Variants in TRAPPC9 observed in about 807,000 individuals in gnomAD.
TRAPPC9 encodes trafficking protein particle complex subunit 9.
Under a neutral mutation model 124.0 loss-of-function variants are expected in TRAPPC9, and 83 were observed. The observed-to-expected ratio is 0.67, with a 90% CI of 0.56 to 0.80. TRAPPC9 has a LOEUF of 0.80. Ranked by LOEUF, TRAPPC9 falls within the 30% of genes least tolerant of loss-of-function variation. The pLI, the probability that TRAPPC9 is intolerant of heterozygous loss-of-function variation, is 0.00. For missense variants in TRAPPC9, 1,302 were observed against 1,508.3 expected (o/e 0.86, Z 2.27); for synonymous variants, 638 against 617.5 (o/e 1.03, Z -0.49).
rs11998179 is a variant in TRAPPC9, at chr8:140,449,951, C to A, written c.584+839G>T. On this transcript the variant is annotated intron_variant, in intron 2 of 22. Transcript: ENST00000438773. The stretch of plus-strand genomic sequence containing the variant: ...GTAAGTACATTTCAGTTTCTAGTTG[C>A]CACATTTTTAAAAGTAAGAATGAAA... Among the ~76,000 whole-genome samples the A allele has an allele frequency of 9.0e-3, 1,371 of 152,248 alleles. 20 individuals carry two copies. Among genetic ancestry groups the A allele is most frequent in the African/African-American group, 0.031 (1,288 of 41,542 alleles).
chr8:139,758,367 A>G (rs1411305053), intron 21 of TRAPPC9, among the ~76,000 whole-genome samples: 2 of 152,220 alleles, frequency 1.3e-5, no homozygotes, highest in Non-Finnish European at 2.9e-5. Context: ...TATCCTGTCT[A>G]TCTTGCAAAG....
rs536807914 is a variant in TRAPPC9 at position 140,374,431 on chromosome 8, G to C, written c.1135-3251C>G. On this transcript the variant is annotated intron_variant, in intron 7 of 22. Transcript: ENST00000438773. ...CTAAAAAATACAAAATTAGCCAGGC[G>C]TGGTGGTGCATACCTGTAATCCCAG... Among the ~76,000 whole-genome samples, 152 of 152,262 alleles carry C rather than the reference G, an allele frequency of 1.0e-3. 1 individual carries two copies. The highest frequency in any genetic ancestry group is 3.6e-3 in the African/African-American group (150 of 41,554).
At chr8:140,283,364 G>A (rs1393921975) in intron 14 of TRAPPC9, among the ~76,000 whole-genome samples, 1 of 127,900 alleles carries the variant, frequency 7.8e-6, no homozygotes, top group South Asian at 2.4e-4. Flanking sequence ...GCGCGATCTC[G>A]GCTCACTGCA....
At chr8:140,365,947 A>G (rs1246306520) in intron 8 of TRAPPC9, among the ~76,000 whole-genome samples, 2 of 152,076 alleles carry the variant, frequency 1.3e-5, no homozygotes, top group Non-Finnish European at 2.9e-5. Context: ...AAAAGGCCCC[A>G]GTGTATGTTA....
chr8:139,903,591 T>C (rs993911306), intron 20 of TRAPPC9, among the ~76,000 whole-genome samples: 1 of 152,226 alleles, frequency 6.6e-6, no homozygotes, highest in African/African-American at 2.4e-5. Context: ...AGACGGTCTG[T>C]GCAGGGCTGC....
chr8:140,039,856 C>G (rs1445507233), intron 17 of TRAPPC9: 2 of 152,238 alleles, frequency 1.3e-5, no homozygotes, highest in African/African-American at 4.8e-5. Context: ...CATGATCTCT[C>G]CATTGCCCTT....
intron 19 of TRAPPC9, among the ~76,000 whole-genome samples, chr8:139,941,847 C>A (rs1833941408): frequency 6.6e-6 from 1 of 152,208 alleles, no homozygotes; most frequent in Non-Finnish European, 1.5e-5. Flanking sequence ...CATGGGTTTG[C>A]CACACTGTTC....
chr8:140,370,220 A>C (rs2068242337), intron 8 of TRAPPC9, among the ~76,000 whole-genome samples: 1 of 151,772 alleles, frequency 6.6e-6, no homozygotes. Context: ...GCTCACTGCA[A>C]CCTCCACCTC....
intron 17 of TRAPPC9, among the ~76,000 whole-genome samples, chr8:140,035,046 A>G (rs1840789892): frequency 6.6e-6 from 1 of 152,260 alleles, no homozygotes; most frequent in African/African-American, 2.4e-5. Context: ...CCCCTTCTGT[A>G]TACACAGCTG....
At position 139,895,663 on chromosome 8, in the gene TRAPPC9, A is replaced by G. The variant is rs550352990; in HGVS notation, c.2965-9694T>C. Among the ~76,000 whole-genome samples the G allele has an allele frequency of 7.2e-5, 11 of 152,330 alleles. No individual in the cohort carries two copies. In the East Asian group the frequency reaches 2.1e-3, roughly 29 times the overall value. On this transcript the variant is annotated intron_variant, in intron 20 of 22. Coordinates refer to ENST00000438773, the MANE Select transcript of TRAPPC9 (RefSeq NM_001160372.4). The stretch of plus-strand genomic sequence containing the variant: ...CACTATGGGCCTGGGACGCTGGGAC[A>G]CAGCTGCACTTGAGTGTGGGCCTCA...
intron 19 of TRAPPC9, among the ~76,000 whole-genome samples, chr8:139,914,470 C>A (rs1831976332): frequency 3.3e-5 from 5 of 152,232 alleles, no homozygotes; most frequent in Admixed American, 3.3e-4. Context: ...GGCACCGGGG[C>A]AGCAGCGCAG....
Position 139,742,232 on chromosome 8 carries a change from C to A in TRAPPC9, c.3056-10030G>T, listed in dbSNP as rs545997149. On this transcript the variant is annotated intron_variant, in intron 21 of 22. Coordinates refer to ENST00000438773, the MANE Select transcript of TRAPPC9 (RefSeq NM_001160372.4). The surrounding 1 kb of genome is among the most constrained non-coding windows in gnomAD (Gnocchi z 4.7). Reference sequence around the variant, plus strand: ...GTGGAGGTGAAGTAGCATCTTGCTGCGGTTCTCACGTGCGTTCTCCCGATC... The same window carrying A: ...GTGGAGGTGAAGTAGCATCTTGCTGAGGTTCTCACGTGCGTTCTCCCGATC... Among the ~76,000 whole-genome samples the A allele has an allele frequency of 6.6e-6, 1 of 152,254 alleles. No individual in the cohort carries two copies. The highest frequency in any genetic ancestry group is 2.1e-4 in the South Asian group (1 of 4,826).
chr8:140,098,507 C>G (rs2060499876), intron 17 of TRAPPC9: 1 of 152,104 alleles, frequency 6.6e-6, no homozygotes, highest in South Asian at 2.1e-4. Flanking sequence ...GCAGGAACAC[C>G]CGGCTAGGTC....
chr8:140,180,170 T>A (rs1028771295), intron 17 of TRAPPC9, among the ~76,000 whole-genome samples: 5 of 151,820 alleles, frequency 3.3e-5, no homozygotes, highest in African/African-American at 1.2e-4. Context: ...ATTTTATAAT[T>A]GAATTTTTTA....
At chr8:140,203,454 C>G (rs956376750) in intron 17 of TRAPPC9, among the ~76,000 whole-genome samples, 2 of 152,170 alleles carry the variant, frequency 1.3e-5, no homozygotes, top group Non-Finnish European at 2.9e-5. Context: ...TGAAAAGTCC[C>G]TGTGTCCTAA....
chr8:140,179,968 A>G (rs1415438178), intron 17 of TRAPPC9, among the ~76,000 whole-genome samples: 1 of 139,984 alleles, frequency 7.1e-6, no homozygotes, highest in African/African-American at 2.6e-5. Context: ...TGAATTTCCT[A>G]TAAACAATTT....
chr8:139,879,068 G>C (rs981265544), intron 21 of TRAPPC9, among the ~76,000 whole-genome samples: 1 of 152,264 alleles, frequency 6.6e-6, no homozygotes, highest in Non-Finnish European at 1.5e-5. Context: ...GGGATACTGA[G>C]TCTGCCAGGG....
rs567885182 is a variant in TRAPPC9 at position 139,858,012 on chromosome 8, A to G, written c.3055+27867T>C. 5.9e-5 allele frequency among the ~76,000 whole-genome samples: 9 copies of G among 152,354 alleles called. No homozygotes were observed. The South Asian group carries it at 1.9e-3, about 32-fold the overall frequency. ...AAAGGAAGAGAAAGGAGGCTTCACC[A>G]TCTGGGAGAACTGCTTCCAAAAAGG... On this transcript the variant is annotated intron_variant, in intron 21 of 22. Coordinates refer to ENST00000438773, the MANE Select transcript of TRAPPC9 (RefSeq NM_001160372.4).
chr8:139,938,785 A>G (rs1431646552), intron 19 of TRAPPC9, among the ~76,000 whole-genome samples: 1 of 150,598 alleles, frequency 6.6e-6, no homozygotes, highest in East Asian at 2.0e-4. Context: ...AGCTGGGACT[A>G]CAGGCGCCCG....
Sources: gnomAD v4.1 joint callset for allele counts (sites outside exome capture counted in the v4.1 genomes callset) on GRCh38, gnomAD v4.1.1 for gene constraint, Gnocchi (gnomAD v3.1) non-coding constraint, MANE v1.5 for transcripts, NCBI Gene and HGNC (gene_info 2026-07-23, HGNC 2026-07-21) for gene names.